The following ST6GALNAC5 variants were observed in gnomAD, a reference collection of about 807,000 sequenced individuals.
ST6GALNAC5 encodes the protein alpha-N-acetylgalactosaminide alpha-2,6-sialyltransferase 5.
In ST6GALNAC5, 27 loss-of-function variants were observed where a neutral mutation model predicts 33.6. The ratio of observed to expected loss-of-function variants is 0.80; its 90% confidence interval spans 0.59 to 1.11. The LOEUF is 1.11. Among genes scored for constraint, ST6GALNAC5 ranks in the 50% least tolerant of loss-of-function variants. ST6GALNAC5 has a pLI of 0.00. For synonymous variants in ST6GALNAC5, 194 were observed against 171.2 expected (o/e 1.13, Z -1.04); for missense variants, 428 against 454.0 (o/e 0.94, Z 0.52).
intron 2 of ST6GALNAC5, among the ~76,000 whole-genome samples, chr1:76,882,436 C>G (rs551221479): frequency 5.9e-5 from 9 of 152,130 alleles, no homozygotes; most frequent in Non-Finnish European, 1.3e-4. Flanking sequence ...TGACTCCCCC[C>G]AAATTCTGAG....
At chr1:76,975,875 G>A (rs544502645) in intron 2 of ST6GALNAC5, among the ~76,000 whole-genome samples, 5 of 152,216 alleles carry the variant, frequency 3.3e-5, no homozygotes, top group Admixed American at 1.3e-4. Flanking sequence ...TGGGCAGATT[G>A]CTTGAGCTCA....
intron 2 of ST6GALNAC5, among the ~76,000 whole-genome samples, chr1:76,959,940 T>C (rs527810617): frequency 6.6e-6 from 1 of 152,246 alleles, no homozygotes; most frequent in East Asian, 1.9e-4. Flanking sequence ...GTATTTTCCT[T>C]TGGAGACGGA....
intron 2 of ST6GALNAC5, among the ~76,000 whole-genome samples, chr1:76,895,359 C>T (rs1359346237): frequency 3.3e-5 from 5 of 151,724 alleles, no homozygotes; most frequent in Admixed American, 2.6e-4. Flanking sequence ...TTAGGGGCGG[C>T]GTGGGAACCT....
intron 4 of ST6GALNAC5, among the ~76,000 whole-genome samples, chr1:77,055,721 C>G (rs898815956): frequency 1.3e-5 from 2 of 152,204 alleles, no homozygotes; most frequent in African/African-American, 4.8e-5. Flanking sequence ...CTGGGCATCC[C>G]TCTTCCTCTG....
intron 2 of ST6GALNAC5, among the ~76,000 whole-genome samples, chr1:77,005,594 C>G (rs1650377662): frequency 6.6e-6 from 1 of 152,208 alleles, no homozygotes; most frequent in African/African-American, 2.4e-5. Context: ...GTGTACAATT[C>G]AGTGGCATTA....
intron 2 of ST6GALNAC5, among the ~76,000 whole-genome samples, chr1:76,930,509 C>T (rs952983836): frequency 3.3e-5 from 5 of 152,126 alleles, no homozygotes; most frequent in African/African-American, 1.2e-4. Context: ...TCCTTCTCCT[C>T]ACTTTCTTCC....
At chr1:77,005,314 T>C (rs760552055) in intron 2 of ST6GALNAC5, among the ~76,000 whole-genome samples, 11 of 152,168 alleles carry the variant, frequency 7.2e-5, no homozygotes, top group Non-Finnish European at 1.5e-4. Flanking sequence ...CCCTTGCGCT[T>C]CCCAAGTGAG....
In ST6GALNAC5 at chr1:76,928,594, A is replaced by G. The variant is rs1249718991; in HGVS notation, c.261+59852A>G. On this transcript the variant is annotated intron_variant, in intron 2 of 4. Transcript: ENST00000477717. ...TCATTTACATCAGATGAGTGAGTCC[A>G]TCCCAAAAAATGAGTTGGGTACGTA... Among the ~76,000 whole-genome samples the G allele has an allele frequency of 3.9e-5, 6 of 152,260 alleles. No individual in the cohort carries two copies. The East Asian group carries it at 1.2e-3, about 29-fold the overall frequency.
intron 2 of ST6GALNAC5, among the ~76,000 whole-genome samples, chr1:76,890,983 A>T (rs1329441616): frequency 6.6e-6 from 1 of 152,204 alleles, no homozygotes; most frequent in Non-Finnish European, 1.5e-5. Context: ...ATCATTAAAT[A>T]TAAATTTTTC....
chr1:76,992,384 G>A (rs1473076276), intron 2 of ST6GALNAC5, among the ~76,000 whole-genome samples: 1 of 152,118 alleles, frequency 6.6e-6, no homozygotes, highest in Non-Finnish European at 1.5e-5. Context: ...TCCTCCTATA[G>A]CACCAAAGGG....
Position 77,008,949 on chromosome 1 carries a change from AC to A in ST6GALNAC5, c.262-35252del, listed in dbSNP as rs567207911. Reference sequence around the variant, plus strand: ...CTACAGGGGAGTTACTCTTTGAACCACCCTAGCACCAATCCTAGCTGAGAAA... The same window carrying A: ...CTACAGGGGAGTTACTCTTTGAACCACCTAGCACCAATCCTAGCTGAGAAA... On this transcript the variant is annotated intron_variant, in intron 2 of 4. Transcript: ENST00000477717. Among the ~76,000 whole-genome samples the A allele has an allele frequency of 1.2e-3, 181 of 152,308 alleles. 2 individuals carry two copies. Among genetic ancestry groups the A allele is most frequent in the Non-Finnish European group, 7.1e-4 (48 of 68,026 alleles).
intron 2 of ST6GALNAC5, among the ~76,000 whole-genome samples, chr1:76,962,434 C>G (rs1263239416): frequency 6.6e-6 from 1 of 152,192 alleles, no homozygotes; most frequent in Non-Finnish European, 1.5e-5. Flanking sequence ...AGATTCAAAG[C>G]TCAATGACTG....
intron 2 of ST6GALNAC5, among the ~76,000 whole-genome samples, chr1:77,004,127 A>G (rs956137647): frequency 1.6e-4 from 24 of 151,486 alleles, no homozygotes; most frequent in Admixed American, 1.1e-3. Context: ...TTTCAAGTAC[A>G]CCAATCAGAC....
chr1:76,978,822 G>C (rs1174845127), intron 2 of ST6GALNAC5, among the ~76,000 whole-genome samples: 2 of 152,142 alleles, frequency 1.3e-5, no homozygotes, highest in South Asian at 2.1e-4. Flanking sequence ...AAATCTGAAA[G>C]GAGGAAGCCA....
intron 2 of ST6GALNAC5, among the ~76,000 whole-genome samples, chr1:77,003,314 C>T (rs1213044151): frequency 7.8e-6 from 1 of 128,190 alleles, no homozygotes; most frequent in African/African-American, 2.6e-5. Context: ...GGATTGCAAC[C>T]CCTGCCTTTT....
intron 2 of ST6GALNAC5, among the ~76,000 whole-genome samples, chr1:76,949,566 G>A (rs1001979885): frequency 2.0e-5 from 3 of 152,042 alleles, no homozygotes; most frequent in Non-Finnish European, 2.9e-5. Context: ...TCAAATGTTT[G>A]GACTAGACAA....
At chr1:77,034,354 C>T (rs555878415) in intron 2 of ST6GALNAC5, among the ~76,000 whole-genome samples, 3 of 152,152 alleles carry the variant, frequency 2.0e-5, no homozygotes, top group Admixed American at 6.5e-5. Context: ...ATAACTTCAC[C>T]GGTGACTGGA....
chr1:76,895,335 T>C (rs552774051), intron 2 of ST6GALNAC5, among the ~76,000 whole-genome samples: 20 of 152,232 alleles, frequency 1.3e-4, no homozygotes, highest in African/African-American at 4.3e-4. Context: ...TTCTCAGGGC[T>C]GCTTCAAGTG....
At chr1:76,888,607 C>T (rs1260835031) in intron 2 of ST6GALNAC5, among the ~76,000 whole-genome samples, 1 of 151,516 alleles carries the variant, frequency 6.6e-6, no homozygotes, top group Non-Finnish European at 1.5e-5. Context: ...GCATTCTGTG[C>T]TTTGGGCTTT....
Sources: gnomAD v4.1 joint callset for allele counts (sites outside exome capture counted in the v4.1 genomes callset) on GRCh38, gnomAD v4.1.1 for gene constraint, MANE v1.5 for transcripts, NCBI Gene and HGNC (gene_info 2026-07-23, HGNC 2026-07-21) for gene names.